The following APMAP variants were observed in gnomAD, a reference collection of about 807,000 sequenced individuals.
The protein encoded by APMAP is adipocyte plasma membrane-associated protein.
Under a neutral mutation model 43.6 loss-of-function variants are expected in APMAP, and 33 were observed. The ratio of observed to expected loss-of-function variants is 0.76; its 90% CI spans 0.57 to 1.01. The LOEUF (loss-of-function observed/expected upper bound fraction) is 1.01. Among genes scored for constraint, APMAP ranks in the 50% least tolerant of loss-of-function variants. The pLI is 0.00. For synonymous variants in APMAP, 224 were observed against 216.7 expected, an observed-to-expected ratio of 1.03 and a Z score of -0.30; for missense variants, 498 against 540.7, an observed-to-expected ratio of 0.92 and a Z score of 0.78.
intron 1 of APMAP, among the ~76,000 whole-genome samples, chr20:24,987,521 A>G (rs962604681): frequency 6.6e-6 from 1 of 152,202 alleles, no homozygotes; most frequent in Non-Finnish European, 1.5e-5. Context: ...TGGGGTGATG[A>G]AACAGTTTTG....
At chr20:24,988,701 G>A (rs1465512723) in intron 1 of APMAP, among the ~76,000 whole-genome samples, 1 of 152,104 alleles carries the variant, frequency 6.6e-6, no homozygotes, top group African/African-American at 2.4e-5. Flanking sequence ...TGTGCAGCTG[G>A]ACACCACTAA....
intron 8 of APMAP, among the ~76,000 whole-genome samples, chr20:24,965,623 G>A (rs1183658219): frequency 6.6e-6 from 1 of 152,254 alleles, no homozygotes; most frequent in Non-Finnish European, 1.5e-5. Flanking sequence ...CCATGCAAGT[G>A]AGGAGGTGTA....
In APMAP at chr20:24,962,998, GAA is replaced by G. The variant is rs1284133519; in HGVS notation, c.*813_*814del. ...ATGACCAGTGTGTAGACATACTTGT[GAA>G]AATATACAGCAACTTGGGGCTTATA... is the stretch of plus-strand genomic sequence containing the variant. On this transcript the variant is annotated 3_prime_UTR_variant, in exon 9 of 9. Coordinates refer to ENST00000217456, the MANE Select transcript of APMAP (RefSeq NM_020531.3). 3 of 152,124 alleles carry G rather than the reference GAA, an allele frequency of 2.0e-5. No individual in the cohort carries two copies. Among genetic ancestry groups the G allele is most frequent in the African/African-American group, 7.2e-5 (3 of 41,426 alleles). 9.4% of individuals were successfully genotyped at this position (152,124 alleles called of 1,614,324 possible). A position where few individuals can be genotyped will look rare whatever the true frequency, so the allele number is the denominator to read the frequency against.
chr20:24,970,112 T>C, intron 6 of APMAP, 85 bp downstream of exon 6: 5 of 1,497,888 alleles, frequency 3.3e-6, no homozygotes, highest in Non-Finnish European at 4.6e-6. Flanking sequence ...AATACTCCCT[T>C]GGTCCCTAGA....
chr20:24,969,806 G>T, intron 6 of APMAP, 146 bp from the exon 7 acceptor site: 1 of 1,086,372 alleles, frequency 9.2e-7, no homozygotes, highest in African/African-American at 1.6e-5. Flanking sequence ...ATTCGAGGCT[G>T]GCCCCTGGGG....
intron 1 of APMAP, 79 bp downstream of exon 1, chr20:24,992,515 G>T: frequency 8.4e-7 from 1 of 1,185,976 alleles, no homozygotes; most frequent in Non-Finnish European, 1.1e-6. Flanking sequence ...TACTGTTACT[G>T]CCGTCGCCGC....
At chr20:24,969,109 G>A in intron 7 of APMAP, 25 bp from the exon 8 acceptor site, 2 of 1,556,008 alleles carry the variant, frequency 1.3e-6, no homozygotes, top group Non-Finnish European at 1.7e-6. Context: ...CAAGCAGAGA[G>A]TGAACCATAG....
chr20:24,987,203 AT>A lies in APMAP; in HGVS notation c.96-3185del, dbSNP rs376268454. On this transcript the variant is annotated intron_variant, in intron 1 of 8. Coordinates refer to ENST00000217456, the MANE Select transcript of APMAP (RefSeq NM_020531.3). ...AGTGGCATGATCATATCTCACTGTT[AT>A]CTCAAATTCCTGGGCTCAAGTGATC... Among the ~76,000 whole-genome samples, 22 of 152,314 alleles carry A rather than the reference AT, an allele frequency of 1.4e-4. 1 individual carries two copies. Among genetic ancestry groups the A allele is most frequent in the African/African-American group, 5.3e-4 (22 of 41,558 alleles).
At chr20:24,987,272 CA>C (rs2088155811) in intron 1 of APMAP, among the ~76,000 whole-genome samples, 1 of 152,190 alleles carries the variant, frequency 6.6e-6, no homozygotes, top group Non-Finnish European at 1.5e-5. Context: ...TACAGGTGTG[CA>C]CCACCACACG....
chr20:24,981,335 G>A (rs764560759), intron 2 of APMAP, among the ~76,000 whole-genome samples: 15 of 152,186 alleles, frequency 9.9e-5, no homozygotes, highest in Non-Finnish European at 1.5e-4. Flanking sequence ...GTATGATCAC[G>A]GATGGCTGGC....
intron 1 of APMAP, among the ~76,000 whole-genome samples, chr20:24,988,952 G>A (rs1411070249): frequency 6.6e-6 from 1 of 152,140 alleles, no homozygotes; most frequent in East Asian, 1.9e-4. Flanking sequence ...ATATAAATGA[G>A]GTAAGCACAG....
intron 1 of APMAP, among the ~76,000 whole-genome samples, chr20:24,988,147 C>A (rs138234037): frequency 6.6e-6 from 1 of 152,282 alleles, no homozygotes; most frequent in African/African-American, 2.4e-5. Flanking sequence ...AAGAGTCCCT[C>A]TAGGGAAGGT....
At chr20:24,988,486 G>A (rs531047038) in intron 1 of APMAP, among the ~76,000 whole-genome samples, 1 of 152,320 alleles carries the variant, frequency 6.6e-6, no homozygotes, top group South Asian at 2.1e-4. Flanking sequence ...AAAGTCCATT[G>A]ACAAAGATTT....
chr20:24,975,442 G>A (rs1188726057), intron 3 of APMAP, among the ~76,000 whole-genome samples: 1 of 152,074 alleles, frequency 6.6e-6, no homozygotes, highest in African/African-American at 2.4e-5. Flanking sequence ...CCAAAAGATT[G>A]GCATACTTAG....
chr20:24,990,804 T>G (rs1191504934), intron 1 of APMAP, among the ~76,000 whole-genome samples: 1 of 152,064 alleles, frequency 6.6e-6, no homozygotes, highest in African/African-American at 2.4e-5. Context: ...CATGTTACAA[T>G]AATAATTGCG....
At chr20:24,964,321 A>C in intron 8 of APMAP, 1 of 574,404 alleles carries the variant, frequency 1.7e-6, no homozygotes, top group Non-Finnish European at 3.4e-6. Context: ...GAGACATATC[A>C]CATCCGACGT....
chr20:24,969,484 G>C (rs754938693), intron 7 of APMAP, 42 bp downstream of exon 7: 23 of 1,575,594 alleles, frequency 1.5e-5, no homozygotes, highest in Non-Finnish European at 1.8e-5. Context: ...GCCATGATGC[G>C]CTCTGGCCAG....
At chr20:24,986,183 T>A (rs866128190) in intron 1 of APMAP, among the ~76,000 whole-genome samples, 10 of 152,198 alleles carry the variant, frequency 6.6e-5, no homozygotes, top group African/African-American at 2.2e-4. Context: ...TCTGTGTCTA[T>A]TTTTCTTCTA....
At chr20:24,988,213 C>T (rs542563537) in intron 1 of APMAP, among the ~76,000 whole-genome samples, 130 of 152,328 alleles carry the variant, frequency 8.5e-4, no homozygotes, top group African/African-American at 3.0e-3. Flanking sequence ...CTTGCCAAAA[C>T]GCTACTTTTT....
Sources: gnomAD v4.1 joint callset for allele counts (sites outside exome capture counted in the v4.1 genomes callset) on GRCh38, gnomAD v4.1.1 for gene constraint, MANE v1.5 for transcripts, NCBI Gene and HGNC (gene_info 2026-07-23, HGNC 2026-07-21) for gene names.